The following NLGN1 variants were observed in gnomAD, a reference collection of about 807,000 sequenced individuals.
The protein encoded by NLGN1 is neuroligin 1.
Under a neutral mutation model 65.5 loss-of-function variants are expected in NLGN1, and 12 were observed. The ratio of observed to expected loss-of-function variants is 0.18; its 90% CI spans 0.12 to 0.30. The LOEUF is 0.30. Among genes scored for constraint, NLGN1 ranks in the 10% least tolerant of loss-of-function variants. The pLI, the probability that NLGN1 is intolerant of heterozygous loss-of-function variation, is 1.00. For missense variants in NLGN1, 750 were observed against 1,007.1 expected, an observed-to-expected ratio of 0.74 and a Z score of 3.46; for synonymous variants, 350 against 359.5, an observed-to-expected ratio of 0.97 and a Z score of 0.30.
At chr3:173,945,678 A>G (rs1747009314) in intron 4 of NLGN1, among the ~76,000 whole-genome samples, 1 of 152,166 alleles carries the variant, frequency 6.6e-6, no homozygotes, top group Admixed American at 6.5e-5. Context: ...TTAACATTAT[A>G]TGTTCAGTAT....
At chr3:174,162,725 A>G (rs942584781) in intron 4 of NLGN1, among the ~76,000 whole-genome samples, 7 of 151,308 alleles carry the variant, frequency 4.6e-5, no homozygotes, top group Non-Finnish European at 8.8e-5. Flanking sequence ...AAACAGTCCT[A>G]TGACTGTTCT....
chr3:173,698,984 G>A (rs1253239485), intron 3 of NLGN1, among the ~76,000 whole-genome samples: 6 of 152,084 alleles, frequency 3.9e-5, no homozygotes, highest in African/African-American at 1.4e-4. Context: ...AGCCTCCCGA[G>A]TAGCTGGGAT....
intron 4 of NLGN1, among the ~76,000 whole-genome samples, chr3:174,152,959 A>G (rs1342590209): frequency 2.0e-5 from 3 of 152,128 alleles, no homozygotes; most frequent in Non-Finnish European, 4.4e-5. Flanking sequence ...TGCACTTAGA[A>G]TAAAATGTAC....
chr3:174,128,762 G>A (rs1213523308), intron 4 of NLGN1, among the ~76,000 whole-genome samples: 1 of 152,116 alleles, frequency 6.6e-6, no homozygotes, highest in African/African-American at 2.4e-5. Flanking sequence ...GGACATTCAG[G>A]AAGGCTGGGT....
chr3:174,144,145 T>TA (rs1722780434), intron 4 of NLGN1, among the ~76,000 whole-genome samples: 1 of 152,180 alleles, frequency 6.6e-6, no homozygotes, highest in Admixed American at 6.5e-5. Context: ...AACTCCTACT[T>TA]ATGAGTGAGA....
At position 173,642,973 on chromosome 3, in the gene NLGN1, G is replaced by T. The variant is rs145561859; in HGVS notation, c.493+37882G>T. Among the ~76,000 whole-genome samples, 78 of 152,180 alleles carry T rather than the reference G, an allele frequency of 5.1e-4. 1 individual carries two copies. In the East Asian group the frequency reaches 0.014, roughly 27 times the overall value. On this transcript the variant is annotated intron_variant, in intron 3 of 6. Transcript: ENST00000457714. Reference sequence around the variant, plus strand: ...AATATTTTTAAGTTAAATATAAAATGTGTATATATATACACACATCTGAAG... The same window carrying T: ...AATATTTTTAAGTTAAATATAAAATTTGTATATATATACACACATCTGAAG...
intron 2 of NLGN1, among the ~76,000 whole-genome samples, chr3:173,464,568 T>C (rs1404326957): frequency 6.6e-6 from 1 of 151,924 alleles, no homozygotes; most frequent in African/African-American, 2.4e-5. Context: ...CCCAAGTAGC[T>C]GGGATTACAG....
chr3:174,160,721 T>G (rs73046289), intron 4 of NLGN1, among the ~76,000 whole-genome samples: 22,215 of 151,012 alleles, frequency 0.15, 1,717 homozygotes, highest in African/African-American at 0.18. Context: ...ATTATAATAG[T>G]TTTATCATAT....
At chr3:173,653,897 C>A (rs551776553) in intron 3 of NLGN1, among the ~76,000 whole-genome samples, 1 of 152,258 alleles carries the variant, frequency 6.6e-6, no homozygotes, top group South Asian at 2.1e-4. Context: ...GAAGTCCAAG[C>A]AGCTCCCTGT....
chr3:174,278,763 T>C (rs1751049245), intron 5 of NLGN1, 98 bp from the exon 6 acceptor site: 1 of 969,188 alleles, frequency 1.0e-6, no homozygotes. Flanking sequence ...TTGAGCTGTA[T>C]CTGGGTTTTT....
intron 5 of NLGN1, 89 bp from the exon 6 acceptor site, chr3:174,278,772 T>G: frequency 9.1e-7 from 1 of 1,103,212 alleles, no homozygotes; most frequent in Non-Finnish European, 1.2e-6. Flanking sequence ...ATCTGGGTTT[T>G]TATATACATG....
intron 4 of NLGN1, among the ~76,000 whole-genome samples, chr3:173,909,142 A>G (rs1210811450): frequency 3.9e-5 from 6 of 152,098 alleles, no homozygotes; most frequent in Non-Finnish European, 5.9e-5. Context: ...ATTGTATTCT[A>G]TTAGCTAGTC....
At chr3:174,173,476 T>C (rs565578040) in intron 4 of NLGN1, among the ~76,000 whole-genome samples, 1 of 152,206 alleles carries the variant, frequency 6.6e-6, no homozygotes, top group South Asian at 2.1e-4. Flanking sequence ...ATTTGGATTA[T>C]AGGAGGGTAT....
intron 4 of NLGN1, among the ~76,000 whole-genome samples, chr3:173,943,162 G>A (rs1468201357): frequency 6.6e-6 from 1 of 152,032 alleles, no homozygotes; most frequent in Admixed American, 6.6e-5. Context: ...GGGAGGTAGA[G>A]GCTGTAGTGA....
chr3:173,820,179 G>GAAAAAAAAAAAAAAAAAA (rs63081662), intron 4 of NLGN1, among the ~76,000 whole-genome samples: 1 of 136,616 alleles, frequency 7.3e-6, no homozygotes. Flanking sequence ...ATTCAGTCTC[G>GAAAAAAAAAAAAAAAAAA]AAAAAAAAAA....
intron 4 of NLGN1, among the ~76,000 whole-genome samples, chr3:174,189,476 A>T (rs1013341322): frequency 6.6e-6 from 1 of 152,032 alleles, no homozygotes; most frequent in African/African-American, 2.4e-5. Context: ...AATCTATGTC[A>T]TGGAAGTGAA....
At chr3:173,659,714 A>G (rs111412601) in intron 3 of NLGN1, among the ~76,000 whole-genome samples, 510 of 151,666 alleles carry the variant, frequency 3.4e-3, no homozygotes, top group African/African-American at 0.012. Flanking sequence ...CATGGTGTGT[A>G]CCTTATGGTT....
intron 2 of NLGN1, among the ~76,000 whole-genome samples, chr3:173,473,210 T>C (rs2148934743): frequency 6.6e-6 from 1 of 152,312 alleles, no homozygotes; most frequent in Admixed American, 6.5e-5. Flanking sequence ...GTTATGTCTC[T>C]GAATTTGTGA....
chr3:173,499,874 A>T, intron 2 of NLGN1, among the ~76,000 whole-genome samples: 1 of 151,854 alleles, frequency 6.6e-6, no homozygotes, highest in East Asian at 1.9e-4. Flanking sequence ...ATTGGTGTAT[A>T]AGAATACTTG....
Sources: allele counts gnomAD v4.1 joint callset (sites outside exome capture counted in the v4.1 genomes callset), GRCh38; gene constraint gnomAD v4.1.1; transcripts MANE v1.5; gene names NCBI Gene and HGNC (gene_info 2026-07-23, HGNC 2026-07-21).